The following SYCP2 variants were observed in gnomAD, a reference collection of about 807,000 sequenced individuals.
SYCP2 encodes the protein synaptonemal complex protein 2, also known as synaptonemal complex lateral element protein.
Under a neutral mutation model 211.3 loss-of-function variants are expected in SYCP2, and 55 were observed. The ratio of observed to expected loss-of-function variants is 0.26; its 90% confidence interval spans 0.21 to 0.33. The LOEUF (loss-of-function observed/expected upper bound fraction) is 0.33, where lower values mean the gene tolerates loss of function less well. Among genes scored for constraint, SYCP2 ranks in the 10% least tolerant of loss-of-function variants. SYCP2 has a pLI of 1.00. For synonymous variants in SYCP2, 570 were observed against 555.2 expected (o/e 1.03, Z -0.37); for missense variants, 1,731 against 1,752.0 (o/e 0.99, Z 0.21).
intron 15 of SYCP2, among the ~76,000 whole-genome samples, chr20:59,903,815 G>A (rs919386469): frequency 5.3e-5 from 8 of 152,144 alleles, no homozygotes; most frequent in Non-Finnish European, 8.8e-5. Flanking sequence ...TATGGACATG[G>A]AAGACTGCCA....
chr20:59,917,523 A>G (rs1414560032), intron 7 of SYCP2, among the ~76,000 whole-genome samples: 4 of 152,232 alleles, frequency 2.6e-5, no homozygotes, highest in African/African-American at 7.2e-5. Flanking sequence ...ATCACTTTAC[A>G]ATTGCTGGTG....
chr20:59,914,407 T>C (rs867976042), intron 10 of SYCP2, among the ~76,000 whole-genome samples, 156 bp from the exon 11 acceptor site: 2 of 152,034 alleles, frequency 1.3e-5, no homozygotes, highest in Non-Finnish European at 2.9e-5. Flanking sequence ...GGATTAGAAA[T>C]ATCTCATCAT....
intron 5 of SYCP2, among the ~76,000 whole-genome samples, chr20:59,920,005 A>G (rs1215369358): frequency 2.6e-5 from 4 of 151,704 alleles, no homozygotes; most frequent in Non-Finnish European, 4.4e-5. Context: ...CTAGGTGCCA[A>G]TAATGTAGCA....
At chr20:59,902,135 T>A (rs2060126703) in intron 15 of SYCP2, among the ~76,000 whole-genome samples, 1 of 152,052 alleles carries the variant, frequency 6.6e-6, no homozygotes, top group Non-Finnish European at 1.5e-5. Flanking sequence ...TTTCTTAATT[T>A]AAAAAAAGGC....
chr20:59,922,990 C>T (rs148063036), intron 2 of SYCP2, among the ~76,000 whole-genome samples: 4 of 152,002 alleles, frequency 2.6e-5, no homozygotes, highest in African/African-American at 9.6e-5. Flanking sequence ...CTCCCAGTTT[C>T]TGGTTGAATG....
chr20:59,922,081 T>C lies in SYCP2; in HGVS notation c.24+309A>G, dbSNP rs2060552277. On this transcript the variant is annotated intron_variant, in intron 3 of 44. Coordinates refer to ENST00000357552, the MANE Select transcript of SYCP2 (RefSeq NM_014258.4). ...TTACACTTTACCTAAATACACAATATCTTAACCTCTAAAACTTAATACAAA... is the reference window on the plus strand; with the variant it reads ...TTACACTTTACCTAAATACACAATACCTTAACCTCTAAAACTTAATACAAA... Among the ~76,000 whole-genome samples the C allele has an allele frequency of 2.0e-5, 3 of 151,580 alleles. 1 individual carries two copies. Among genetic ancestry groups the C allele is most frequent in the Admixed American group, 1.3e-4 (2 of 15,184 alleles).
At chr20:59,867,618 T>C (rs2059376527) in intron 39 of SYCP2, 93 bp downstream of exon 39, 11 of 1,110,526 alleles carry the variant, frequency 9.9e-6, no homozygotes, top group Non-Finnish European at 1.4e-5. Flanking sequence ...GGATATTTTG[T>C]TGCCAAAGGA....
Position 59,868,402 on chromosome 20 carries a change from G to C in SYCP2, c.3988+11C>G, listed in dbSNP as rs1297314022. 6.2e-7 allele frequency: 1 copy of C among 1,606,722 alleles called. No individual in the cohort carries two copies. On this transcript the variant is annotated intron_variant, in intron 38 of 44. Coordinates refer to ENST00000357552, the MANE Select transcript of SYCP2 (RefSeq NM_014258.4). ...TAACTGCATTTTGATACAGGCTACTGATCTACCTACTTTTGTGGATATGAT... is the reference window on the plus strand; with the variant it reads ...TAACTGCATTTTGATACAGGCTACTCATCTACCTACTTTTGTGGATATGAT...
At chr20:59,929,539 A>G (rs940451943) in intron 2 of SYCP2, among the ~76,000 whole-genome samples, 2 of 152,180 alleles carry the variant, frequency 1.3e-5, no homozygotes, top group Admixed American at 6.5e-5. Context: ...GTGGTGAGTG[A>G]TGCAACTGAA....
chr20:59,930,449 A>G (rs2060717232), intron 2 of SYCP2, among the ~76,000 whole-genome samples: 1 of 152,234 alleles, frequency 6.6e-6, no homozygotes, highest in African/African-American at 2.4e-5. Context: ...AAGAACACAG[A>G]TGATTCTTGC....
chr20:59,915,386 T>C, intron 9 of SYCP2, 79 bp downstream of exon 9: 1 of 1,087,062 alleles, frequency 9.2e-7, no homozygotes, highest in South Asian at 1.4e-5. Context: ...TCATTATTAA[T>C]GCAAACTCAT....
At chr20:59,888,299 G>C (rs981601331) in intron 24 of SYCP2, among the ~76,000 whole-genome samples, 1 of 151,914 alleles carries the variant, frequency 6.6e-6, no homozygotes, top group African/African-American at 2.4e-5. Context: ...AAAGAATTAT[G>C]CAACTATTAC....
chr20:59,907,472 TAC>T (rs756188943), intron 14 of SYCP2, 48 bp from the exon 15 acceptor site: 3 of 1,478,078 alleles, frequency 2.0e-6, no homozygotes, highest in Non-Finnish European at 2.8e-6. Context: ...ATTTCTGATT[TAC>T]AGTTTCTTTA....
rs1555874990 is a variant in SYCP2, at chr20:59,881,509, C to CAA, written c.2659-19_2659-18dup. The CAA allele has an allele frequency of 1.6e-5, 21 of 1,312,880 alleles. No homozygotes were observed. The highest frequency in any genetic ancestry group is 5.1e-5 in the South Asian group (3 of 58,598). 81.3% of individuals were successfully genotyped at this position (1,312,880 alleles called of 1,614,324 possible). A position where few individuals can be genotyped will look rare whatever the true frequency, so the allele number is the denominator to read the frequency against. ...CTCTTGGATCTATATTGTAAATAAA[C>CAA]AAAAAAAAAGAGGTGTCAGTGTCAA... On this transcript the variant is annotated splice_polypyrimidine_tract_variant and intron_variant, in intron 28 of 44. Transcript: ENST00000357552.
chr20:59,875,501 C>A, intron 33 of SYCP2, 32 bp from the exon 34 acceptor site: 1 of 1,522,576 alleles, frequency 6.6e-7, no homozygotes, highest in South Asian at 1.2e-5. Context: ...AAATTATACT[C>A]AAGTACAAAT....
chr20:59,889,697 A>C (rs1203511249), intron 24 of SYCP2, among the ~76,000 whole-genome samples: 1 of 152,010 alleles, frequency 6.6e-6, no homozygotes. Flanking sequence ...ATAGAAATGT[A>C]CCAAAAATGA....
intron 9 of SYCP2, 106 bp downstream of exon 9, chr20:59,915,359 G>T: frequency 1.0e-6 from 1 of 985,076 alleles, no homozygotes; most frequent in Non-Finnish European, 1.6e-6. Flanking sequence ...TTAAAAAGCT[G>T]CAACAGTTTA....
intron 14 of SYCP2, among the ~76,000 whole-genome samples, chr20:59,910,482 G>A (rs918806500): frequency 5.0e-5 from 7 of 138,922 alleles, no homozygotes; most frequent in Admixed American, 7.9e-5. Flanking sequence ...CTGGGTTCAC[G>A]CCATTCTCCT....
At chr20:59,930,311 G>C (rs1331498981) in intron 2 of SYCP2, among the ~76,000 whole-genome samples, 2 of 152,126 alleles carry the variant, frequency 1.3e-5, no homozygotes, top group African/African-American at 4.8e-5. Flanking sequence ...AGCCACAATT[G>C]AATACAGAGA....
Sources: allele counts gnomAD v4.1 joint callset (sites outside exome capture counted in the v4.1 genomes callset), GRCh38; gene constraint gnomAD v4.1.1; transcripts MANE v1.5; gene names NCBI Gene and HGNC (gene_info 2026-07-23, HGNC 2026-07-21).